MYO18B: variants seen among roughly 807,000 people sequenced by gnomAD.
The protein encoded by MYO18B is unconventional myosin-XVIIIb.
MYO18B carries 204 observed loss-of-function variants against 273.0 expected under a neutral mutation model. The ratio of observed to expected loss-of-function variants is 0.75; its 90% CI spans 0.67 to 0.84. The LOEUF is 0.84. Ranked by LOEUF, MYO18B falls within the 40% of genes least tolerant of loss-of-function variation. The pLI, the probability that MYO18B is intolerant of heterozygous loss-of-function variation, is 0.00. For synonymous variants in MYO18B, 1,330 were observed against 1,305.7 expected (o/e 1.02, Z -0.40); for missense variants, 3,212 against 3,287.6 (o/e 0.98, Z 0.56).
intron 39 of MYO18B, among the ~76,000 whole-genome samples, chr22:25,960,870 C>T (rs948015580): frequency 2.6e-5 from 4 of 151,956 alleles, no homozygotes; most frequent in African/African-American, 9.7e-5. Context: ...TTTATGGGGC[C>T]GGATATGTTG....
intron 11 of MYO18B, among the ~76,000 whole-genome samples, chr22:25,788,069 A>G (rs1439031500): frequency 6.6e-6 from 1 of 152,220 alleles, no homozygotes; most frequent in Non-Finnish European, 1.5e-5. Context: ...TCAAAGAAGC[A>G]TTTGAAGTGG....
intron 12 of MYO18B, among the ~76,000 whole-genome samples, chr22:25,798,580 T>C (rs1601727202): frequency 6.6e-6 from 1 of 152,034 alleles, no homozygotes; most frequent in African/African-American, 2.4e-5. Flanking sequence ...AAAATTTTCA[T>C]TGAGATAGGG....
chr22:25,898,684 G>A (rs1278366722), intron 29 of MYO18B: 3 of 511,392 alleles, frequency 5.9e-6, no homozygotes, highest in East Asian at 6.6e-5. Flanking sequence ...GTGGCCAATT[G>A]ATCTTGTGAC....
chr22:25,997,978 C>CACACGAGAGAGAGAGAGA (rs34431605), intron 40 of MYO18B, among the ~76,000 whole-genome samples: 1 of 144,546 alleles, frequency 6.9e-6, no homozygotes, highest in African/African-American at 2.6e-5. Flanking sequence ...CACACACACA[C>CACACGAGAGAGAGAGAGA]GAGAGAGAGA....
chr22:25,900,003 C>A (rs2091899318), intron 29 of MYO18B: 1 of 152,222 alleles, frequency 6.6e-6, no homozygotes, highest in Non-Finnish European at 1.5e-5. Context: ...GGTTTCAACT[C>A]TCTGATGAGT....
At chr22:26,001,183 T>C (rs999161564) in intron 40 of MYO18B, among the ~76,000 whole-genome samples, 4 of 152,136 alleles carry the variant, frequency 2.6e-5, no homozygotes, top group Non-Finnish European at 5.9e-5. Flanking sequence ...TCATATAAAC[T>C]ATTGGCCTAG....
chr22:25,781,541 C>CT (rs2087152279), intron 9 of MYO18B, among the ~76,000 whole-genome samples, 193 bp from the exon 10 acceptor site: 2 of 148,860 alleles, frequency 1.3e-5, no homozygotes, highest in South Asian at 4.3e-4. Flanking sequence ...AGCTGGGAGG[C>CT]GGAGCTTGCA....
intron 42 of MYO18B, among the ~76,000 whole-genome samples, chr22:26,023,268 CCTGA>C (rs1208697129): frequency 6.6e-6 from 1 of 152,186 alleles, no homozygotes; most frequent in Non-Finnish European, 1.5e-5. Flanking sequence ...CTTTTCTTAT[CCTGA>C]CTACCTCTTC....
chr22:25,938,472 A>G lies in MYO18B; in HGVS notation c.5518-7665A>G, dbSNP rs55693848. Reference sequence around the variant, plus strand: ...GGAAGGGCATGGGTTTGGAGTCTCAACCACTAGCACACAAGTCTGACCTTG... The same window carrying G: ...GGAAGGGCATGGGTTTGGAGTCTCAGCCACTAGCACACAAGTCTGACCTTG... On this transcript the variant is annotated intron_variant, in intron 34 of 43. Transcript: ENST00000335473. Among the ~76,000 whole-genome samples the G allele has an allele frequency of 1.3e-3, 202 of 152,322 alleles. 1 individual carries two copies. The highest frequency in any genetic ancestry group is 4.5e-3 in the African/African-American group (189 of 41,570).
At chr22:25,785,403 C>T in intron 10 of MYO18B, 25 bp from the exon 11 acceptor site, 1 of 1,594,778 alleles carries the variant, frequency 6.3e-7, no homozygotes, top group South Asian at 1.1e-5. Context: ...GCCCCCCTGA[C>T]TCCTGGTTCC....
the MYO18B span, among the ~76,000 whole-genome samples, chr22:26,039,628 A>G: frequency 7.1e-6 from 1 of 140,828 alleles, no homozygotes; most frequent in Non-Finnish European, 1.5e-5. Flanking sequence ...TTTTTGTTTT[A>G]GTTATATATG....
intron 17 of MYO18B, among the ~76,000 whole-genome samples, chr22:25,843,335 A>G (rs1205835246): frequency 6.6e-6 from 1 of 152,242 alleles, no homozygotes; most frequent in African/African-American, 2.4e-5. Flanking sequence ...ATATCAGAAA[A>G]TAAACATATC....
At chr22:25,956,448 T>G (rs891275690) in intron 39 of MYO18B, among the ~76,000 whole-genome samples, 1 of 152,168 alleles carries the variant, frequency 6.6e-6, no homozygotes, top group Non-Finnish European at 1.5e-5. Flanking sequence ...ACTCTTGAGC[T>G]CAGGCAATCT....
chr22:25,767,741 T>C (rs1175644252), intron 3 of MYO18B, among the ~76,000 whole-genome samples: 1 of 152,210 alleles, frequency 6.6e-6, no homozygotes, highest in Non-Finnish European at 1.5e-5. Context: ...TTCTACATAT[T>C]GTCACACATT....
At chr22:25,903,526 A>C in intron 30 of MYO18B, 105 bp from the exon 31 acceptor site, 1 of 1,187,214 alleles carries the variant, frequency 8.4e-7, no homozygotes, top group Non-Finnish European at 1.2e-6. Flanking sequence ...GGCATTGGAA[A>C]GTGGAAAACG....
rs1385212271 is a variant in MYO18B at position 25,791,862 on chromosome 22, A to G, written c.2377-6091A>G. Among the ~76,000 whole-genome samples, 4 of 152,194 alleles carry G rather than the reference A, an allele frequency of 2.6e-5. No homozygotes were observed. The East Asian group carries it at 7.7e-4, about 29-fold the overall frequency. ...TCTTTAAATAAGGAATTATGATCAT[A>G]TCTGTTTTTCAGAAGAAGTAGCCAG... On this transcript the variant is annotated intron_variant, in intron 11 of 43. Transcript: ENST00000335473.
At chr22:25,934,889 C>CAAA (rs761032285) in intron 34 of MYO18B, among the ~76,000 whole-genome samples, 16 of 151,840 alleles carry the variant, frequency 1.1e-4, no homozygotes, top group Admixed American at 2.0e-4. Context: ...AGATATTTTC[C>CAAA]TTTCACTACT....
At chr22:25,941,208 C>G (rs978769032) in intron 34 of MYO18B, among the ~76,000 whole-genome samples, 7 of 152,272 alleles carry the variant, frequency 4.6e-5, no homozygotes, top group Admixed American at 2.0e-4. Context: ...CACACTAGGT[C>G]GGGAGACAGA....
At chr22:25,873,287 G>T (rs2146178953) in intron 22 of MYO18B, among the ~76,000 whole-genome samples, 1 of 152,258 alleles carries the variant, frequency 6.6e-6, no homozygotes, top group East Asian at 1.9e-4. Flanking sequence ...ATGAGTTACG[G>T]TCTGGAAATC....
Sources: gnomAD v4.1 joint callset for allele counts (sites outside exome capture counted in the v4.1 genomes callset) on GRCh38, gnomAD v4.1.1 for gene constraint, MANE v1.5 for transcripts, NCBI Gene and HGNC (gene_info 2026-07-23, HGNC 2026-07-21) for gene names.